CADM2: variants seen among roughly 807,000 people sequenced by gnomAD.
CADM2 encodes cell adhesion molecule 2, also known as immunoglobulin superfamily member 4D.
In CADM2, 12 loss-of-function variants were observed where a neutral mutation model predicts 49.8. The observed-to-expected ratio is 0.24, with a 90% CI of 0.15 to 0.39. The LOEUF is 0.39. Among genes scored for constraint, CADM2 ranks in the 10% least tolerant of loss-of-function variants. The pLI, the probability that CADM2 is intolerant of heterozygous loss-of-function variation, is 1.00. For missense variants in CADM2, 378 were observed against 492.3 expected, an observed-to-expected ratio of 0.77 and a Z score of 2.20; for synonymous variants, 214 against 175.4, an observed-to-expected ratio of 1.22 and a Z score of -1.74.
Position 85,886,254 on chromosome 3 carries a change from G to A in CADM2, c.456G>A (p.Gln152=). Residue 152 remains glutamine (Q), a synonymous_variant, in exon 5 of 10, where the codon CAG becomes CAA. Coordinates refer to ENST00000383699, the MANE Select transcript of CADM2 (RefSeq NM_001167675.2). ...CAGTTATGGAGGGTGACTTGATGCA[G>A]CTGACTTGCAAAACATCTGGTAGTA... The part of the protein sequence containing the change: ...SSPVMEGDLM[Q]LTCKTSGSKP... 1 of 1,613,914 alleles carries A rather than the reference G, an allele frequency of 6.2e-7. No individual in the cohort carries two copies. Among genetic ancestry groups the A allele is most frequent in the South Asian group, 1.1e-5 (1 of 91,080 alleles).
intron 7 of CADM2, among the ~76,000 whole-genome samples, chr3:85,941,583 G>T (rs1338518838): frequency 1.3e-5 from 2 of 152,044 alleles, no homozygotes; most frequent in African/African-American, 2.4e-5. Flanking sequence ...GGAAAATCCT[G>T]AGCCACAGGA....
intron 1 of CADM2, among the ~76,000 whole-genome samples, chr3:85,541,761 ATATATTTTATATT>A (rs1204145125): frequency 3.7e-4 from 9 of 24,220 alleles, no homozygotes; most frequent in Middle Eastern, 0.036. Flanking sequence ...TATTTTATAT[ATATATTTTATATT>A]TTATATATAT....
intron 8 of CADM2, among the ~76,000 whole-genome samples, chr3:86,037,442 G>A (rs960776966): frequency 2.3e-4 from 34 of 149,760 alleles, no homozygotes; most frequent in African/African-American, 8.1e-4. Flanking sequence ...TTTAAGAGAG[G>A]GGGGCAGGGC....
intron 8 of CADM2, among the ~76,000 whole-genome samples, chr3:86,036,620 C>T (rs1735197599): frequency 6.6e-6 from 1 of 152,130 alleles, no homozygotes; most frequent in African/African-American, 2.4e-5. Flanking sequence ...TCAAATTCTT[C>T]CTCCAACAAC....
intron 1 of CADM2, among the ~76,000 whole-genome samples, chr3:85,245,144 C>T (rs1379598089): frequency 6.6e-6 from 1 of 152,048 alleles, no homozygotes; most frequent in African/African-American, 2.4e-5. Flanking sequence ...GGAAAAAAGA[C>T]CCCAGTATGA....
chr3:85,354,074 A>C (rs1004928578), intron 1 of CADM2, among the ~76,000 whole-genome samples: 7 of 151,974 alleles, frequency 4.6e-5, no homozygotes, highest in African/African-American at 1.5e-4. Context: ...TGTTTAAAAG[A>C]GTATGACAAC....
At chr3:85,596,800 T>A (rs770057463) in intron 1 of CADM2, among the ~76,000 whole-genome samples, 9 of 152,094 alleles carry the variant, frequency 5.9e-5, no homozygotes, top group African/African-American at 9.7e-5. Context: ...CAATTAAACC[T>A]CTGCTTCCCA....
chr3:86,018,674 T>G (rs1732672522), intron 8 of CADM2, among the ~76,000 whole-genome samples: 1 of 152,224 alleles, frequency 6.6e-6, no homozygotes, highest in South Asian at 2.1e-4. Flanking sequence ...ATAAATGTCT[T>G]CTTTTGAGAA....
At chr3:85,643,554 A>G (rs189451426) in intron 1 of CADM2, among the ~76,000 whole-genome samples, 41 of 152,276 alleles carry the variant, frequency 2.7e-4, no homozygotes, top group African/African-American at 8.4e-4. Context: ...CTGAAATTAC[A>G]GTTTATTCAG....
chr3:86,067,689 T>C lies in CADM2; in HGVS notation c.*906T>C, dbSNP rs531161365. 2 of 152,620 alleles carry C rather than the reference T, an allele frequency of 1.3e-5. No individual in the cohort carries two copies. The highest frequency in any genetic ancestry group is 2.9e-5 in the Non-Finnish European group (2 of 67,926). 9.5% of individuals were successfully genotyped at this position (152,620 alleles called of 1,614,324 possible). On this transcript the variant is annotated 3_prime_UTR_variant, in exon 10 of 10. Transcript: ENST00000383699. ...TGCATATAATAAATCCAATTAAACA[T>C]TATTTGATACATATTTAACTTTTTT...
intron 2 of CADM2, among the ~76,000 whole-genome samples, chr3:85,801,316 A>AT (rs751616969): frequency 1.1e-4 from 16 of 152,292 alleles, no homozygotes; most frequent in East Asian, 3.9e-4. Flanking sequence ...AACAAGGGTC[A>AT]TTTAAAAATA....
chr3:85,280,482 C>T (rs958103040), intron 1 of CADM2, among the ~76,000 whole-genome samples: 18 of 151,574 alleles, frequency 1.2e-4, no homozygotes, highest in Non-Finnish European at 1.8e-4. Flanking sequence ...TAAAAATTAT[C>T]TTTATCTAAA....
At chr3:85,734,150 A>G (rs1007508122) in intron 2 of CADM2, among the ~76,000 whole-genome samples, 1 of 152,160 alleles carries the variant, frequency 6.6e-6, no homozygotes, top group Non-Finnish European at 1.5e-5. Flanking sequence ...ATCCTGATAT[A>G]TAATGGTTAT....
chr3:86,064,344 G>A (rs1739060003), intron 8 of CADM2, among the ~76,000 whole-genome samples: 1 of 152,020 alleles, frequency 6.6e-6, no homozygotes, highest in Admixed American at 6.6e-5. Context: ...TGAGAATGAT[G>A]GTTTCCAGCT....
At chr3:85,280,861 C>G (rs2043482878) in intron 1 of CADM2, among the ~76,000 whole-genome samples, 1 of 151,464 alleles carries the variant, frequency 6.6e-6, no homozygotes, top group African/African-American at 2.4e-5. Context: ...AGTGCTGAAA[C>G]AAAGATATAC....
chr3:85,315,374 T>C (rs1380749646), intron 1 of CADM2, among the ~76,000 whole-genome samples: 1 of 152,186 alleles, frequency 6.6e-6, no homozygotes, highest in Admixed American at 6.5e-5. Context: ...TATTCTTAAG[T>C]ATCGGGGGTT....
chr3:85,876,062 C>T (rs1364790392), intron 3 of CADM2, among the ~76,000 whole-genome samples: 1 of 152,086 alleles, frequency 6.6e-6, no homozygotes. Flanking sequence ...AATCCTGTCA[C>T]ATCAGTGACA....
At chr3:85,611,382 A>G (rs1461872442) in intron 1 of CADM2, among the ~76,000 whole-genome samples, 1 of 151,848 alleles carries the variant, frequency 6.6e-6, no homozygotes, top group African/African-American at 2.4e-5. Context: ...TTTATTAATA[A>G]CATATCTCAG....
intron 2 of CADM2, among the ~76,000 whole-genome samples, chr3:85,744,745 A>T (rs2068543165): frequency 6.6e-6 from 1 of 151,984 alleles, no homozygotes; most frequent in Non-Finnish European, 1.5e-5. Context: ...GGTGAAGAAG[A>T]TGGAGGCCAG....
Sources: gnomAD v4.1 joint callset for allele counts (sites outside exome capture counted in the v4.1 genomes callset) on GRCh38, gnomAD v4.1.1 for gene constraint, MANE v1.5 for transcripts, NCBI Gene and HGNC (gene_info 2026-07-23, HGNC 2026-07-21) for gene names.